TBX6: variants seen among roughly 807,000 people sequenced by gnomAD.
TBX6 encodes T-box transcription factor TBX6.
Under a neutral mutation model 42.3 loss-of-function variants are expected in TBX6, and 29 were observed. That is an observed-to-expected ratio of 0.69 (90% CI 0.51 to 0.93). The LOEUF is 0.93. Among genes scored for constraint, TBX6 ranks in the 40% least tolerant of loss-of-function variants. TBX6 has a pLI of 0.00. For synonymous variants in TBX6, 249 were observed against 245.1 expected (o/e 1.02, Z -0.15); for missense variants, 569 against 603.3 (o/e 0.94, Z 0.59).
Position 30,088,531 on chromosome 16 carries a change from TG to T in TBX6, c.839+13del. 1 of 1,614,244 alleles carries T rather than the reference TG, an allele frequency of 6.2e-7. No individual in the cohort carries two copies. The highest frequency in any genetic ancestry group is 1.1e-5 in the South Asian group (1 of 91,088). On this transcript the variant is annotated intron_variant, in intron 6 of 8. Coordinates refer to ENST00000395224, the MANE Select transcript of TBX6 (RefSeq NM_004608.4). The surrounding 1 kb of genome is among the most constrained non-coding windows in gnomAD (Gnocchi z 4.1). ...TTTGTTGAATGCATGAACAAATGAA[TG>T]AACAACTCCCACCTCTTACAGTTTC... is the stretch of plus-strand genomic sequence containing the variant.
chr16:30,086,187 G>A lies in TBX6; in HGVS notation c.*38C>T. ...GCTCCAGGGCTGGGGGAAGGGAGCGGGAGGTTTGTGATGGAGGCAGAGGGG... is the reference window on the plus strand; with the variant it reads ...GCTCCAGGGCTGGGGGAAGGGAGCGAGAGGTTTGTGATGGAGGCAGAGGGG... On this transcript the variant is annotated 3_prime_UTR_variant, in exon 9 of 9. Coordinates refer to ENST00000395224, the MANE Select transcript of TBX6 (RefSeq NM_004608.4). The surrounding 1 kb of genome is among the most constrained non-coding windows in gnomAD (Gnocchi z 4.6). The A allele has an allele frequency of 1.9e-6, 3 of 1,601,854 alleles. No homozygotes were observed. The highest frequency in any genetic ancestry group is 2.6e-6 in the Non-Finnish European group (3 of 1,175,028).
chr16:30,088,736 G>A lies in TBX6; in HGVS notation c.725C>T (p.Pro242Leu). The part of the protein sequence containing the change: ...HWGGMASFRF[P>L]ETTFISVTAY... ...TGTCACGGAGATGAATGTGGTCTCGGGGAAGCGGAAGGAGGCCATGCCCCC... is the reference window on the plus strand; with the variant it reads ...TGTCACGGAGATGAATGTGGTCTCGAGGAAGCGGAAGGAGGCCATGCCCCC... Residue 242 changes from proline to leucine, a missense_variant, in exon 5 of 9, where the codon CCC becomes CTC. This residue lies in a region of TBX6 where 190 missense variants were observed against 250.6 expected (regional missense o/e 0.76). Coordinates refer to ENST00000395224, the MANE Select transcript of TBX6 (RefSeq NM_004608.4). The surrounding 1 kb of genome is among the most constrained non-coding windows in gnomAD (Gnocchi z 4.1). The A allele has an allele frequency of 6.2e-7, 1 of 1,614,096 alleles. No individual in the cohort carries two copies. Among genetic ancestry groups the A allele is most frequent in the South Asian group, 1.1e-5 (1 of 91,084 alleles).
chr16:30,088,618 G>A lies in TBX6; in HGVS notation c.769-3C>T. ...GCTGCAATCTTCAGTTGTGTGATCT[G>A]GGGACACACATGCAGGGTCAAAGCA... is the stretch of plus-strand genomic sequence containing the variant. On this transcript the variant is annotated splice_polypyrimidine_tract_variant and splice_region_variant and intron_variant, in intron 5 of 8. Coordinates refer to ENST00000395224, the MANE Select transcript of TBX6 (RefSeq NM_004608.4). The surrounding 1 kb of genome is among the most constrained non-coding windows in gnomAD (Gnocchi z 4.1). 1 of 1,614,168 alleles carries A rather than the reference G, an allele frequency of 6.2e-7. No homozygotes were observed. Among genetic ancestry groups the A allele is most frequent in the Non-Finnish European group, 8.5e-7 (1 of 1,180,040 alleles).
At position 30,086,587 on chromosome 16, in the gene TBX6, C is replaced by T. The variant is rs768520466; in HGVS notation, c.1022G>A (p.Cys341Tyr). ...GTAGGCCTCAGCACTGGGGCCACCA[C>T]ACAGAGGTGCCGGGGCAGCGGTGGC... ...GEATAAPAPL[C>Y]GGPSAEAYLL... The change falls in exon 8 of 9, where the codon TGT becomes TAT. Residue 341 changes from cysteine to tyrosine, a missense_variant. Around this residue, in one of 3 missense-constraint regions of TBX6, gnomAD observed 245 missense variants for 227.4 expected, o/e 1.08. Coordinates refer to ENST00000395224, the MANE Select transcript of TBX6 (RefSeq NM_004608.4). This position sits in a 1 kb window ranked among gnomAD's most constrained non-coding sequence, Gnocchi z 4.6. The T allele has an allele frequency of 6.4e-6, 10 of 1,566,388 alleles. No homozygotes were observed. In the Admixed American group the frequency reaches 2.1e-4, roughly 33 times the overall value.
In TBX6 at chr16:30,088,185, G is replaced by A. The variant is rs948812049; in HGVS notation, c.839+360C>T. ...ACTCCTGGCCTCAGGTGATCTGCCC[G>A]CCTCAGCCTCCCAGAGTGCTGGGAT... On this transcript the variant is annotated intron_variant, in intron 6 of 8. Coordinates refer to ENST00000395224, the MANE Select transcript of TBX6 (RefSeq NM_004608.4). This position sits in a 1 kb window ranked among gnomAD's most constrained non-coding sequence, Gnocchi z 4.1. 3.3e-6 allele frequency: 1 copy of A among 301,174 alleles called. No homozygotes were observed. Among genetic ancestry groups the A allele is most frequent in the East Asian group, 9.2e-5 (1 of 10,908 alleles). The allele number at this position is 301,174 out of a possible 1,614,324, so 18.7% of individuals were successfully genotyped here.
chr16:30,091,352 C>T, intron 1 of TBX6, 111 bp from the exon 2 acceptor site: 1 of 632,708 alleles, frequency 1.6e-6, no homozygotes, highest in Non-Finnish European at 2.7e-6. Flanking sequence ...ACCCCTGGGG[C>T]CTCGAAGGGG....
chr16:30,090,359 C>G (rs554353275), intron 3 of TBX6, among the ~76,000 whole-genome samples: 75 of 152,126 alleles, frequency 4.9e-4, no homozygotes, highest in Non-Finnish European at 4.3e-4. Flanking sequence ...GACTCCTATT[C>G]GAGTTGCATA....
Position 30,086,561 on chromosome 16 carries a change from G to A in TBX6, c.1048C>T (p.Leu350Phe). 1.3e-6 allele frequency: 2 copies of A among 1,540,066 alleles called. No individual in the cohort carries two copies. Among genetic ancestry groups the A allele is most frequent in the Non-Finnish European group, 1.7e-6 (2 of 1,147,474 alleles). ...CCATGGAAAGCCGCAGGGTGCAGGA[G>A]GTAGGCCTCAGCACTGGGGCCACCA... ...LCGGPSAEAY[L>F]LHPAAFHGAP... Residue 350 changes from leucine to phenylalanine, a missense_variant, in exon 8 of 9, where the codon CTC (leucine) becomes TTC (phenylalanine). Around this residue, in one of 3 missense-constraint regions of TBX6, gnomAD observed 245 missense variants for 227.4 expected, o/e 1.08. Coordinates refer to ENST00000395224, the MANE Select transcript of TBX6 (RefSeq NM_004608.4). This position sits in a 1 kb window ranked among gnomAD's most constrained non-coding sequence, Gnocchi z 4.6.
At position 30,086,442 on chromosome 16, in the gene TBX6, A is replaced by G; in HGVS notation, c.1098-4T>C. ...AGCCTCCGGGAAGCTGGGGCTCCTG[A>G]CATGGAGAGAGGGATGTCAGAGCAG... On this transcript the variant is annotated splice_polypyrimidine_tract_variant and splice_region_variant and intron_variant, in intron 8 of 8. Coordinates refer to ENST00000395224, the MANE Select transcript of TBX6 (RefSeq NM_004608.4). This position sits in a 1 kb window ranked among gnomAD's most constrained non-coding sequence, Gnocchi z 4.6. The G allele has an allele frequency of 1.3e-6, 2 of 1,507,046 alleles. No homozygotes were observed. Among genetic ancestry groups the G allele is most frequent in the South Asian group, 1.3e-5 (1 of 77,664 alleles). 93.4% of individuals were successfully genotyped at this position (1,507,046 alleles called of 1,614,324 possible).
rs977134498 is a variant in TBX6 at position 30,085,860 on chromosome 16, G to T, written c.*365C>A. 4 of 296,530 alleles carry T rather than the reference G, an allele frequency of 1.3e-5. No homozygotes were observed. The highest frequency in any genetic ancestry group is 2.5e-5 in the Non-Finnish European group (4 of 158,184). 18.4% of individuals were successfully genotyped at this position (296,530 alleles called of 1,614,324 possible). On this transcript the variant is annotated 3_prime_UTR_variant, in exon 9 of 9. Coordinates refer to ENST00000395224, the MANE Select transcript of TBX6 (RefSeq NM_004608.4). ...ACTCTGGTCCCAGAACAACAGACTGGTGTGGCCTGCACCAGTGTGTGTGGG... is the reference window on the plus strand; with the variant it reads ...ACTCTGGTCCCAGAACAACAGACTGTTGTGGCCTGCACCAGTGTGTGTGGG...
rs1440525558 is a variant in TBX6 at position 30,085,957 on chromosome 16, T to C, written c.*268A>G. The C allele has an allele frequency of 2.2e-6, 1 of 464,768 alleles. No individual in the cohort carries two copies. Among genetic ancestry groups the C allele is most frequent in the Non-Finnish European group, 3.8e-6 (1 of 262,094 alleles). The allele number at this position is 464,768 out of a possible 1,614,324, so 28.8% of individuals were successfully genotyped here. On this transcript the variant is annotated 3_prime_UTR_variant, in exon 9 of 9. Transcript: ENST00000395224. ...GTGGGGATGCTGGTCTGTGGCCCCATTTGGCCAGGCAGAGCCCCTTCCATT... is the reference window on the plus strand; with the variant it reads ...GTGGGGATGCTGGTCTGTGGCCCCACTTGGCCAGGCAGAGCCCCTTCCATT...
intron 3 of TBX6, among the ~76,000 whole-genome samples, chr16:30,090,141 C>G (rs1219570263): frequency 2.0e-5 from 3 of 151,956 alleles, no homozygotes; most frequent in African/African-American, 7.3e-5. Context: ...GCTTCCTGTC[C>G]CCACCCTCCT....
Position 30,088,570 on chromosome 16 carries a change from G to C in TBX6, c.814C>G (p.Arg272Gly), listed in dbSNP as rs1484056387. 1 of 1,614,146 alleles carries C rather than the reference G, an allele frequency of 6.2e-7. No homozygotes were observed. Among genetic ancestry groups the C allele is most frequent in the Non-Finnish European group, 8.5e-7 (1 of 1,180,018 alleles). The change falls in exon 6 of 9, where the codon CGG becomes GGG. Residue 272 changes from arginine to glycine, a missense_variant. This residue lies in a region of TBX6 where 190 missense variants were observed against 250.6 expected (regional missense o/e 0.76). Coordinates refer to ENST00000395224, the MANE Select transcript of TBX6 (RefSeq NM_004608.4). The surrounding 1 kb of genome is among the most constrained non-coding windows in gnomAD (Gnocchi z 4.1). ...IAANPFAKGF[R>G]ENGRNCKRER... Reference sequence around the variant, plus strand: ...CTCTTACAGTTTCTGCCGTTCTCCCGGAAGCCTTTGGCAAAGGGATTGGCT... The same window carrying C: ...CTCTTACAGTTTCTGCCGTTCTCCCCGAAGCCTTTGGCAAAGGGATTGGCT...
rs547744651 is a variant in TBX6, at chr16:30,089,802, T to A, written c.354-592A>T. Among the ~76,000 whole-genome samples the A allele has an allele frequency of 4.0e-5, 6 of 151,832 alleles. No individual in the cohort carries two copies. In the East Asian group the frequency reaches 1.2e-3, roughly 30 times the overall value. ...AAAATTAGCCGGGTGTGGTGGTGTG[T>A]GCCTATAGTCCCAGCTACTCGGGAG... is the stretch of plus-strand genomic sequence containing the variant. On this transcript the variant is annotated intron_variant, in intron 3 of 8. Coordinates refer to ENST00000395224, the MANE Select transcript of TBX6 (RefSeq NM_004608.4).
chr16:30,091,181 G>C lies in TBX6; in HGVS notation c.13C>G (p.Arg5Gly), dbSNP rs1292497173. Residue 5 changes from arginine (R) to glycine (G), a missense_variant, in exon 2 of 9, where the codon CGA (arginine) becomes GGA (glycine). Transcript: ENST00000395224. MYHP[R>G]ELYPSLGAGY... is the part of the protein sequence containing the mutation. ...GCCCCCAGGGACGGGTACAATTCTC[G>C]TGGATGGTACATGTTGTAGTTCCGT... 1.3e-6 allele frequency: 2 copies of C among 1,584,980 alleles called. No homozygotes were observed. The highest frequency in any genetic ancestry group is 1.7e-6 in the Non-Finnish European group (2 of 1,168,190).
At chr16:30,087,394 C>G (rs2072653102) in intron 6 of TBX6, among the ~76,000 whole-genome samples, 1 of 152,180 alleles carries the variant, frequency 6.6e-6, no homozygotes, top group African/African-American at 2.4e-5. Context: ...CCAAACCTAT[C>G]CTTGCCTCAC....
rs772913246 is a variant in TBX6 at position 30,086,651 on chromosome 16, G to A, written c.958C>T (p.Arg320Cys). 1.9e-6 allele frequency: 3 copies of A among 1,608,936 alleles called. No individual in the cohort carries two copies. Among genetic ancestry groups the A allele is most frequent in the Non-Finnish European group, 2.5e-6 (3 of 1,178,166 alleles). ...GGGGCCTGTTCTGGATCTGATTCAC[G>A]AATGTCTCCACCCAGGGTGGAGTCG... ...PCDSTLGGDI[R>C]ESDPEQAPAP... The change falls in exon 8 of 9, where the codon CGT (arginine) becomes TGT (cysteine). Residue 320 changes from arginine to cysteine, a missense_variant. This residue lies in a region of TBX6 where 245 missense variants were observed against 227.4 expected (regional missense o/e 1.08). Coordinates refer to ENST00000395224, the MANE Select transcript of TBX6 (RefSeq NM_004608.4). The surrounding 1 kb of genome is among the most constrained non-coding windows in gnomAD (Gnocchi z 4.6).
chr16:30,087,692 G>A (rs2072656605), intron 6 of TBX6, among the ~76,000 whole-genome samples: 1 of 152,112 alleles, frequency 6.6e-6, no homozygotes, highest in African/African-American at 2.4e-5. Flanking sequence ...CACAGGCACA[G>A]CCCCACCTCA....
In TBX6 at chr16:30,086,623, G is replaced by A. The variant is rs2072635295; in HGVS notation, c.986C>T (p.Ala329Val). The change falls in exon 8 of 9, where the codon GCC (alanine) becomes GTC (valine). Residue 329 changes from alanine to valine, a missense_variant. Ala to Val is a moderately conservative substitution (Grantham distance 64). Coordinates refer to ENST00000395224, the MANE Select transcript of TBX6 (RefSeq NM_004608.4). This position sits in a 1 kb window ranked among gnomAD's most constrained non-coding sequence, Gnocchi z 4.6. ...IRESDPEQAP[A>V]PGEATAAPAP... is the part of the protein sequence containing the mutation. ...CGGGGCAGCGGTGGCTTCCCCGGGG[G>A]CTGGGGCCTGTTCTGGATCTGATTC... 1.9e-6 allele frequency: 3 copies of A among 1,598,960 alleles called. No homozygotes were observed. The highest frequency in any genetic ancestry group is 2.7e-5 in the African/African-American group (2 of 74,034).
Sources: gnomAD v4.1 joint callset for allele counts (sites outside exome capture counted in the v4.1 genomes callset) on GRCh38, gnomAD v4.1.1 for gene constraint, gnomAD v4.1.1 regional missense constraint, Gnocchi (gnomAD v3.1) non-coding constraint, MANE v1.5 for transcripts, NCBI Gene and HGNC (gene_info 2026-07-23, HGNC 2026-07-21) for gene names.